RBFOX1: variants seen among roughly 807,000 people sequenced by gnomAD.
RBFOX1 encodes the protein RNA binding protein fox-1 homolog 1.
In RBFOX1, 8 loss-of-function variants were observed where a neutral mutation model predicts 57.7. That is an observed-to-expected ratio of 0.14 (90% CI 0.08 to 0.25). RBFOX1 has a LOEUF of 0.25. Ranked by LOEUF, RBFOX1 falls within the 10% of genes least tolerant of loss-of-function variation. The pLI, the probability that RBFOX1 is intolerant of heterozygous loss-of-function variation, is 1.00. For missense variants in RBFOX1, 611 were observed against 548.5 expected, an observed-to-expected ratio of 1.11 and a Z score of -1.14; for synonymous variants, 326 against 222.4, an observed-to-expected ratio of 1.47 and a Z score of -4.15.
intron 4 of RBFOX1, among the ~76,000 whole-genome samples, chr16:7,319,178 A>G (rs538036485): frequency 7.9e-5 from 12 of 152,310 alleles, no homozygotes; most frequent in Non-Finnish European, 1.6e-4. Flanking sequence ...CAGCCAGGGA[A>G]TCTCCAAGGA....
intron 14 of RBFOX1, among the ~76,000 whole-genome samples, chr16:7,699,194 C>A (rs1690421524): frequency 6.6e-6 from 1 of 152,154 alleles, no homozygotes; most frequent in Non-Finnish European, 1.5e-5. Flanking sequence ...CAATCAGGGA[C>A]CTTTTCTCTT....
chr16:6,418,753 C>T lies in RBFOX1; in HGVS notation c.-64+101696C>T, dbSNP rs545343426. Among the ~76,000 whole-genome samples the T allele has an allele frequency of 2.6e-5, 4 of 152,158 alleles. No individual in the cohort carries two copies. The South Asian group carries it at 8.3e-4, about 32-fold the overall frequency. On this transcript the variant is annotated intron_variant, in intron 2 of 15. Transcript: ENST00000550418. ...ATATTGCCCAGGCTGGTCTTGAACT[C>T]CTGGTCCTTAATCAGTCCCCCTGCC...
chr16:5,539,635 C>T (rs964842425), intron 2 of RBFOX1, among the ~76,000 whole-genome samples: 1 of 151,090 alleles, frequency 6.6e-6, no homozygotes, highest in African/African-American at 2.4e-5. Flanking sequence ...AAAATGACAA[C>T]AACAACAAAA....
intron 2 of RBFOX1, among the ~76,000 whole-genome samples, chr16:6,605,300 C>T (rs942476979): frequency 1.3e-5 from 2 of 152,108 alleles, no homozygotes; most frequent in East Asian, 1.9e-4. Flanking sequence ...GGCCAAATAG[C>T]ATCTATACTT....
chr16:7,608,801 A>G (rs1596416830), intron 10 of RBFOX1, among the ~76,000 whole-genome samples: 1 of 152,224 alleles, frequency 6.6e-6, no homozygotes, highest in Admixed American at 6.5e-5. Context: ...GCACCGTGTA[A>G]ACATTTAGTA....
rs146833342 is a variant in RBFOX1 at position 6,323,382 on chromosome 16, C to G, written c.-64+6325C>G. On this transcript the variant is annotated intron_variant, in intron 2 of 15. Transcript: ENST00000550418. ...ACCAGTTTTACTGGGTGTGCACAAT[C>G]TGTCTTCCCCACTGGACTGGAGGAG... Among the ~76,000 whole-genome samples, 98 of 152,294 alleles carry G rather than the reference C, an allele frequency of 6.4e-4. 1 individual carries two copies. Among genetic ancestry groups the G allele is most frequent in the African/African-American group, 2.3e-3 (96 of 41,570 alleles).
intron 2 of RBFOX1, among the ~76,000 whole-genome samples, chr16:5,499,203 G>T (rs766457879): frequency 6.6e-6 from 1 of 152,212 alleles, no homozygotes; most frequent in Non-Finnish European, 1.5e-5. Context: ...ATCTCTCAGT[G>T]CTTGGGTCCC....
chr16:5,969,132 C>G (rs2059909236), intron 4 of RBFOX1, among the ~76,000 whole-genome samples: 1 of 151,998 alleles, frequency 6.6e-6, no homozygotes, highest in African/African-American at 2.4e-5. Flanking sequence ...GTATCCCTTT[C>G]TCAATGCCTG....
intron 1 of RBFOX1, among the ~76,000 whole-genome samples, chr16:5,383,638 C>G (rs945018098): frequency 6.6e-6 from 1 of 152,180 alleles, no homozygotes; most frequent in Non-Finnish European, 1.5e-5. Context: ...CTCATAAAAG[C>G]ATTTTGAAAC....
intron 3 of RBFOX1, among the ~76,000 whole-genome samples, chr16:5,623,460 A>G (rs923777482): frequency 6.6e-6 from 1 of 152,150 alleles, no homozygotes; most frequent in Non-Finnish European, 1.5e-5. Flanking sequence ...TAATCACCAA[A>G]CAAACATGCA....
At chr16:5,569,437 C>CTT (rs1567240622) in intron 2 of RBFOX1, among the ~76,000 whole-genome samples, 1 of 58,622 alleles carries the variant, frequency 1.7e-5, no homozygotes. Flanking sequence ...TAAGAAGTAA[C>CTT]CTTTTTTTTT....
intron 2 of RBFOX1, among the ~76,000 whole-genome samples, chr16:6,617,916 A>C (rs2098167201): frequency 6.6e-6 from 1 of 152,118 alleles, no homozygotes; most frequent in Admixed American, 6.5e-5. Context: ...GTAACAGCAA[A>C]AACAAAACTT....
intron 2 of RBFOX1, among the ~76,000 whole-genome samples, chr16:6,411,916 G>A (rs538910552): frequency 1.7e-4 from 26 of 152,166 alleles, no homozygotes; most frequent in African/African-American, 6.0e-4. Context: ...GTCGGCTTAC[G>A]AGGTCAGGAG....
chr16:6,145,153 C>T (rs574859880), intron 1 of RBFOX1, among the ~76,000 whole-genome samples: 2 of 151,922 alleles, frequency 1.3e-5, no homozygotes, highest in South Asian at 4.2e-4. Context: ...GCCTACTGCC[C>T]ATTAGTTATA....
intron 2 of RBFOX1, among the ~76,000 whole-genome samples, chr16:6,493,463 G>C (rs967998494): frequency 6.6e-6 from 1 of 152,058 alleles, no homozygotes; most frequent in Non-Finnish European, 1.5e-5. Flanking sequence ...AGGGACCGTA[G>C]GCTGCTAAAA....
chr16:7,375,355 A>G (rs1365820321), intron 4 of RBFOX1, among the ~76,000 whole-genome samples: 1 of 152,230 alleles, frequency 6.6e-6, no homozygotes, highest in Non-Finnish European at 1.5e-5. Context: ...TAATTATAGC[A>G]GTAACTACTT....
rs540239082 is a variant in RBFOX1, at chr16:5,638,404, G to A, written c.318+39443G>A. The stretch of plus-strand genomic sequence containing the variant: ...TCCAGGACACACAGCCCTAGCAGGG[G>A]GAGGGCTTCTGGGGAGTAACCATGA... On this transcript the variant is annotated intron_variant, in intron 3 of 19. Coordinates refer to the RBFOX1 transcript ENST00000641259. Among the ~76,000 whole-genome samples, 6 of 152,232 alleles carry A rather than the reference G, an allele frequency of 3.9e-5. No individual in the cohort carries two copies. In the East Asian group the frequency reaches 1.2e-3, roughly 29 times the overall value.
At chr16:5,747,477 AC>A (rs1264792749) in intron 3 of RBFOX1, among the ~76,000 whole-genome samples, 1 of 151,944 alleles carries the variant, frequency 6.6e-6, no homozygotes, top group Non-Finnish European at 1.5e-5. Flanking sequence ...TCCTTCTTGT[AC>A]CTCTGGTAGA....
At chr16:6,125,855 A>G (rs1018429561) in intron 1 of RBFOX1, among the ~76,000 whole-genome samples, 1 of 152,160 alleles carries the variant, frequency 6.6e-6, no homozygotes, top group Non-Finnish European at 1.5e-5. Flanking sequence ...CTTCCTACTG[A>G]TACTGCCGGG....
Sources: gnomAD v4.1 joint callset for allele counts (sites outside exome capture counted in the v4.1 genomes callset) on GRCh38, gnomAD v4.1.1 for gene constraint, MANE v1.5 for transcripts, NCBI Gene and HGNC (gene_info 2026-07-23, HGNC 2026-07-21) for gene names.